LRRC63: variants seen among roughly 807,000 people sequenced by gnomAD.
LRRC63 encodes leucine rich repeat containing 63.
Under a neutral mutation model 49.5 loss-of-function variants are expected in LRRC63, and 40 were observed. That is an observed-to-expected ratio of 0.81 (90% CI 0.63 to 1.05). The LOEUF (loss-of-function observed/expected upper bound fraction) is 1.05, where lower values mean the gene tolerates loss of function less well. Ranked by LOEUF, LRRC63 falls within the 50% of genes least tolerant of loss-of-function variation. The pLI is 0.00. For missense variants in LRRC63, 636 were observed against 663.1 expected, an observed-to-expected ratio of 0.96 and a Z score of 0.45; for synonymous variants, 191 against 221.1, an observed-to-expected ratio of 0.86 and a Z score of 1.21.
rs1037120184 is a variant in LRRC63 at position 46,269,787 on chromosome 13, A to AAT, written c.1550+2826_1550+2827dup. Among the ~76,000 whole-genome samples the AAT allele has an allele frequency of 2.5e-3, 368 of 148,106 alleles. 2 individuals are homozygous for AAT. Among genetic ancestry groups the AAT allele is most frequent in the African/African-American group, 8.7e-3 (354 of 40,792 alleles). On this transcript the variant is annotated intron_variant, in intron 9 of 9. Transcript: ENST00000595396. The stretch of plus-strand genomic sequence containing the variant: ...ATTGCAGTGCTTAAAATAGTTGAAT[A>AAT]ATATATATATATTATATATATATAG...
At chr13:46,221,418 T>C (rs886742926) in intron 2 of LRRC63, among the ~76,000 whole-genome samples, 4 of 152,192 alleles carry the variant, frequency 2.6e-5, no homozygotes, top group Admixed American at 6.5e-5. Flanking sequence ...GTAAAGTAGA[T>C]CCTGTTCACT....
At chr13:46,268,206 T>C (rs2138586447) in intron 9 of LRRC63, among the ~76,000 whole-genome samples, 1 of 152,154 alleles carries the variant, frequency 6.6e-6, no homozygotes, top group Non-Finnish European at 1.5e-5. Flanking sequence ...ACTAAAAATA[T>C]AATAGTTAAC....
rs1288196648 is a variant in LRRC63 at position 46,262,009 on chromosome 13, C to T, written c.1310+17C>T. On this transcript the variant is annotated intron_variant, in intron 8 of 9. Transcript: ENST00000595396. ...GAAACTCAGGTATTTTGGAAGTACA[C>T]AGAAAGTTATATGCCCCTTAATTAT... 1.1e-6 allele frequency: 1 copy of T among 913,984 alleles called. No individual in the cohort carries two copies. The highest frequency in any genetic ancestry group is 1.5e-6 in the Non-Finnish European group (1 of 682,754). The allele number at this position is 913,984 out of a possible 1,614,324, so 56.6% of individuals were successfully genotyped here. A position where few individuals can be genotyped will look rare whatever the true frequency, so the allele number is the denominator to read the frequency against.
rs181473188 is a variant in LRRC63, at chr13:46,252,632, G to A, written c.1226+2141G>A. ...ATGTAACCCATTCTGAAGGGTGAGA[G>A]TTGGTTCCCTGGAAGATGTAGTATT... On this transcript the variant is annotated intron_variant, in intron 7 of 9. Transcript: ENST00000595396. Among the ~76,000 whole-genome samples, 4 of 152,142 alleles carry A rather than the reference G, an allele frequency of 2.6e-5. No individual in the cohort carries two copies. In the East Asian group the frequency reaches 7.7e-4, roughly 29 times the overall value.
intron 5 of LRRC63, among the ~76,000 whole-genome samples, chr13:46,235,056 C>T (rs1319754653): frequency 6.6e-6 from 1 of 152,046 alleles, no homozygotes; most frequent in Non-Finnish European, 1.5e-5. Flanking sequence ...AAATGCATGG[C>T]TGGGGCTAGA....
At chr13:46,274,065 A>G (rs2047798228) in intron 9 of LRRC63, among the ~76,000 whole-genome samples, 1 of 152,158 alleles carries the variant, frequency 6.6e-6, no homozygotes, top group Admixed American at 6.5e-5. Flanking sequence ...ACCTGGCAGT[A>G]TGTCACAGAT....
chr13:46,230,622 A>G (rs1212186428), intron 4 of LRRC63, among the ~76,000 whole-genome samples: 1 of 152,302 alleles, frequency 6.6e-6, no homozygotes, highest in East Asian at 1.9e-4. Flanking sequence ...GGTCTCTGAA[A>G]TGTCTTTGAG....
At chr13:46,252,268 G>T (rs2047403317) in intron 7 of LRRC63, among the ~76,000 whole-genome samples, 1 of 151,960 alleles carries the variant, frequency 6.6e-6, no homozygotes, top group Admixed American at 6.6e-5. Context: ...CTACCTTGCT[G>T]AGCAAAGAAG....
intron 5 of LRRC63, among the ~76,000 whole-genome samples, chr13:46,245,600 A>C (rs1171548146): frequency 6.6e-6 from 1 of 152,138 alleles, no homozygotes; most frequent in Non-Finnish European, 1.5e-5. Flanking sequence ...AAAAGCACTA[A>C]GTGTTTGGAA....
intron 2 of LRRC63, among the ~76,000 whole-genome samples, chr13:46,220,983 C>A (rs1476708583): frequency 6.6e-6 from 1 of 152,118 alleles, no homozygotes; most frequent in Non-Finnish European, 1.5e-5. Flanking sequence ...CTGCCTTTTT[C>A]TTTTCTCCCA....
At chr13:46,270,341 G>A in intron 9 of LRRC63, 1 of 864,690 alleles carries the variant, frequency 1.2e-6, no homozygotes, top group Non-Finnish European at 2.0e-6. Flanking sequence ...TAAGTGGGGG[G>A]CACAGTTTCT....
chr13:46,271,124 T>A (rs2047752463), intron 9 of LRRC63, among the ~76,000 whole-genome samples: 1 of 152,162 alleles, frequency 6.6e-6, no homozygotes, highest in African/African-American at 2.4e-5. Context: ...TTTCATATAC[T>A]CAGTTTCCAA....
intron 2 of LRRC63, among the ~76,000 whole-genome samples, chr13:46,226,334 G>A (rs1230457): frequency 0.34 from 52,208 of 151,820 alleles, 9,495 homozygotes; most frequent in African/African-American, 0.45. Flanking sequence ...CTATAAGTGG[G>A]GCAAGGTGTG....
At chr13:46,266,605 T>C (rs2138583293) in intron 8 of LRRC63, 128 bp from the exon 9 acceptor site, 2 of 737,984 alleles carry the variant, frequency 2.7e-6, no homozygotes, top group South Asian at 4.4e-5. Context: ...AAAGAAATAC[T>C]TAAATTCATA....
intron 2 of LRRC63, among the ~76,000 whole-genome samples, chr13:46,223,475 GT>G (rs147982198): frequency 3.9e-5 from 5 of 127,888 alleles, no homozygotes; most frequent in African/African-American, 3.3e-5. Context: ...TTGGCTGACA[GT>G]TTTTTTTGTT....
At chr13:46,258,418 C>T (rs541637869) in intron 7 of LRRC63, among the ~76,000 whole-genome samples, 8 of 151,182 alleles carry the variant, frequency 5.3e-5, no homozygotes, top group African/African-American at 7.3e-5. Context: ...CGTGAGCCCC[C>T]GCACCCAGCC....
Position 46,234,814 on chromosome 13 carries a change from G to A in LRRC63, c.990+465G>A, listed in dbSNP as rs2046860935. The stretch of plus-strand genomic sequence containing the variant: ...TCTTTACCCTACAGATAAGAACACT[G>A]AGCCTTAATGAAAGTAACTTGTATA... On this transcript the variant is annotated intron_variant, in intron 5 of 9. Coordinates refer to ENST00000595396, the Ensembl canonical transcript of LRRC63. 2.0e-5 allele frequency among the ~76,000 whole-genome samples: 3 copies of A among 152,098 alleles called. No individual in the cohort carries two copies. In the South Asian group the frequency reaches 6.2e-4, roughly 32 times the overall value.
chr13:46,218,797 G>T (rs949093244), intron 2 of LRRC63, among the ~76,000 whole-genome samples: 4 of 152,116 alleles, frequency 2.6e-5, no homozygotes, highest in African/African-American at 7.2e-5. Context: ...GGCAGGCCTG[G>T]TGGTGACAAA....
rs1158327730 is a variant in LRRC63 at position 46,212,265 on chromosome 13, C to A, written c.-34+6C>A. 1 of 152,222 alleles carries A rather than the reference C, an allele frequency of 6.6e-6. No individual in the cohort carries two copies. The highest frequency in any genetic ancestry group is 1.5e-5 in the Non-Finnish European group (1 of 68,056). The allele number at this position is 152,222 out of a possible 1,614,324, so 9.4% of individuals were successfully genotyped here. On this transcript the variant is annotated splice_donor_region_variant and intron_variant, in intron 1 of 9. Transcript: ENST00000595396. ...TGTGCAGTTATCTTTTGGCGGTAAA[C>A]GGCCCATTTGTGCAGTTTCAGGGTG...
Sources: gnomAD v4.1 joint callset for allele counts (sites outside exome capture counted in the v4.1 genomes callset) on GRCh38, gnomAD v4.1.1 for gene constraint, MANE v1.5 for transcripts, NCBI Gene and HGNC (gene_info 2026-07-23, HGNC 2026-07-21) for gene names.